CTF1: variants seen among roughly 807,000 people sequenced by gnomAD.
CTF1 encodes the protein cardiotrophin 1.
Under a neutral mutation model 10.9 loss-of-function variants are expected in CTF1, and 9 were observed. That is an observed-to-expected ratio of 0.83 (90% CI 0.50 to 1.44). The LOEUF (loss-of-function observed/expected upper bound fraction) is 1.44. CTF1 is among the 40% of genes most tolerant of loss of function. The pLI, the probability that CTF1 is intolerant of heterozygous loss-of-function variation, is 0.00. For missense variants in CTF1, 259 were observed against 275.3 expected, an observed-to-expected ratio of 0.94 and a Z score of 0.42; for synonymous variants, 133 against 138.8, an observed-to-expected ratio of 0.96 and a Z score of 0.29.
chr16:30,901,952 T>G, intron 2 of CTF1, 126 bp from the exon 3 acceptor site: 1 of 853,836 alleles, frequency 1.2e-6, no homozygotes. Context: ...AGCAGCTCTG[T>G]TAGGAGGGAT....
At chr16:30,902,057 C>G in intron 2 of CTF1, 21 bp from the exon 3 acceptor site, 2 of 1,445,016 alleles carry the variant, frequency 1.4e-6, no homozygotes, top group Non-Finnish European at 1.8e-6. Flanking sequence ...CCCCGCTGAC[C>G]CGCCGGCCGT....
At chr16:30,895,918 C>T (rs1314394680), upstream of CTF1, among the ~76,000 whole-genome samples, 1 of 152,190 alleles carries the variant, frequency 6.6e-6, no homozygotes, top group Admixed American at 6.5e-5. Context: ...GCTTCCTCGA[C>T]AGACCGCGAG....
intron 1 of CTF1, 67 bp downstream of exon 1, chr16:30,896,735 G>C (rs2143222175): frequency 8.1e-7 from 1 of 1,238,890 alleles, no homozygotes; most frequent in East Asian, 3.2e-5. Flanking sequence ...TTGGGAGCTG[G>C]GGGTCTGGGT....
upstream of CTF1, among the ~76,000 whole-genome samples, chr16:30,896,008 A>G (rs1241770190): frequency 2.3e-5 from 3 of 132,562 alleles, no homozygotes; most frequent in Non-Finnish European, 4.6e-5. Context: ...AATGGGGTTG[A>G]CGTATGGGTG....
chr16:30,902,384 C>G lies in CTF1; in HGVS notation c.451C>G (p.Arg151Gly). 8.1e-7 allele frequency: 1 copy of G among 1,227,194 alleles called. No homozygotes were observed. The highest frequency in any genetic ancestry group is 3.5e-5 in the East Asian group (1 of 28,892). 76.0% of individuals were successfully genotyped at this position (1,227,194 alleles called of 1,614,324 possible). A position where few individuals can be genotyped will look rare whatever the true frequency, so the allele number is the denominator to read the frequency against. ...GCTGGGCGCCGCCAACCGCGGGCCCCGGGCCGAGCCCCCCGCCGCCACCGC... is the reference window on the plus strand; with the variant it reads ...GCTGGGCGCCGCCAACCGCGGGCCCGGGGCCGAGCCCCCCGCCGCCACCGC... ...AALGAANRGP[R>G]AEPPAATASA... The change falls in exon 3 of 3, where the codon CGG becomes GGG. Residue 151 changes from arginine to glycine, a missense_variant. By Grantham distance (125) the Arg-to-Gly change is moderately radical (BLOSUM62 -2). Transcript: ENST00000279804.
chr16:30,897,869 T>C (rs1256017911), intron 1 of CTF1, among the ~76,000 whole-genome samples: 1 of 152,020 alleles, frequency 6.6e-6, no homozygotes, highest in African/African-American at 2.4e-5. Context: ...TCTCTCTCTC[T>C]TTCTCTTTTG....
Position 30,902,290 on chromosome 16 carries a change from G to C in CTF1, c.357G>C (p.Leu119=). ...TGAACCCGCGCGCGCCGCGCCTGCTGCGCCGCCTGGAGGACGCGGCGCGCC... is the reference window on the plus strand; with the variant it reads ...TGAACCCGCGCGCGCCGCGCCTGCTCCGCCGCCTGGAGGACGCGGCGCGCC... The part of the protein sequence containing the change: ...AELNPRAPRL[L]RRLEDAARQA... Residue 119 remains leucine, a synonymous_variant, in exon 3 of 3, where the codon CTG becomes CTC. Transcript: ENST00000279804. 1 of 1,015,922 alleles carries C rather than the reference G, an allele frequency of 9.8e-7. No individual in the cohort carries two copies. Among genetic ancestry groups the C allele is most frequent in the Non-Finnish European group, 1.2e-6 (1 of 852,268 alleles). 62.9% of individuals were successfully genotyped at this position (1,015,922 alleles called of 1,614,324 possible). A position where few individuals can be genotyped will look rare whatever the true frequency, so the allele number is the denominator to read the frequency against.
intron 2 of CTF1, 37 bp downstream of exon 2, chr16:30,899,570 G>T (rs753898646): frequency 9.4e-7 from 1 of 1,064,000 alleles, no homozygotes; most frequent in South Asian, 1.4e-5. Flanking sequence ...CGGGGGCCTG[G>T]GGAATGGGAG....
In CTF1 at chr16:30,902,677, G is replaced by A. The variant is rs2055416805; in HGVS notation, c.*138G>A. The A allele has an allele frequency of 1.6e-6, 2 of 1,267,532 alleles. No individual in the cohort carries two copies. The highest frequency in any genetic ancestry group is 2.0e-6 in the Non-Finnish European group (2 of 989,670). The allele number at this position is 1,267,532 out of a possible 1,614,324, so 78.5% of individuals were successfully genotyped here. ...ATTGCCTCGGCCTTCTTTGCTTTTTGTGGGGGAGAGGGGAGGGGACGGGCA... is the reference window on the plus strand; with the variant it reads ...ATTGCCTCGGCCTTCTTTGCTTTTTATGGGGGAGAGGGGAGGGGACGGGCA... On this transcript the variant is annotated 3_prime_UTR_variant, in exon 3 of 3. Coordinates refer to ENST00000279804, the MANE Select transcript of CTF1 (RefSeq NM_001330.5).
intron 1 of CTF1, among the ~76,000 whole-genome samples, chr16:30,897,555 G>A (rs561019084): frequency 6.6e-6 from 1 of 152,266 alleles, no homozygotes; most frequent in African/African-American, 2.4e-5. Flanking sequence ...TGATTCTGGA[G>A]GCTTCACTGA....
At chr16:30,899,116 C>T (rs1057116206) in intron 1 of CTF1, among the ~76,000 whole-genome samples, 6 of 152,174 alleles carry the variant, frequency 3.9e-5, no homozygotes, top group African/African-American at 1.4e-4. Context: ...ATACACTCTA[C>T]GATGTATTTA....
At chr16:30,899,756 A>G (rs1189001999) in intron 2 of CTF1, among the ~76,000 whole-genome samples, 2 of 151,992 alleles carry the variant, frequency 1.3e-5, no homozygotes, top group Admixed American at 6.6e-5. Flanking sequence ...CACCCTCCTC[A>G]GTGCTTTGTT....
rs1233885214 is a variant in CTF1, at chr16:30,902,799, A to AGCAGCTGGGACTACAGGCACGCGCCACC, written c.*261_*288dup. The AGCAGCTGGGACTACAGGCACGCGCCACC allele has an allele frequency of 2.3e-5, 8 of 354,364 alleles. No homozygotes were observed. In the Admixed American group the frequency reaches 3.5e-4, roughly 15 times the overall value. The allele number at this position is 354,364 out of a possible 1,614,324, so 22.0% of individuals were successfully genotyped here. Reference sequence around the variant, plus strand: ...GCCATCCTTCCGCCTCAGCTTCCCCAGCAGCTGGGACTACAGGCACGCGCC... The same window carrying AGCAGCTGGGACTACAGGCACGCGCCACC: ...GCCATCCTTCCGCCTCAGCTTCCCCAGCAGCTGGGACTACAGGCACGCGCCACCGCAGCTGGGACTACAGGCACGCGCC... On this transcript the variant is annotated 3_prime_UTR_variant, in exon 3 of 3. Transcript: ENST00000279804.
At chr16:30,902,039 C>A in intron 2 of CTF1, 39 bp from the exon 3 acceptor site, 1 of 1,426,040 alleles carries the variant, frequency 7.0e-7, no homozygotes, top group Non-Finnish European at 9.2e-7. Context: ...CCTGCCCGTG[C>A]TCCGGGGCCC....
At chr16:30,897,025 AG>A (rs2055358177) in intron 1 of CTF1, among the ~76,000 whole-genome samples, 1 of 149,832 alleles carries the variant, frequency 6.7e-6, no homozygotes, top group South Asian at 2.1e-4. Context: ...GGGTAGAGTA[AG>A]GGAAGGCAGT....
intron 2 of CTF1, among the ~76,000 whole-genome samples, chr16:30,901,303 C>T (rs2055398716): frequency 6.6e-6 from 1 of 152,052 alleles, no homozygotes; most frequent in South Asian, 2.1e-4. Flanking sequence ...CCCCCTTGGC[C>T]CCTGGACTAT....
rs2055415225 is a variant in CTF1, at chr16:30,902,561, C to T, written c.*22C>T. ...CTGAGCGCCGCGGGGCAGCTCGCCC[C>T]GCCTCCTCCCGCTGGGTTCCGTCTC... On this transcript the variant is annotated 3_prime_UTR_variant, in exon 3 of 3. Transcript: ENST00000279804. The T allele has an allele frequency of 6.7e-7, 1 of 1,492,136 alleles. No homozygotes were observed. The allele number at this position is 1,492,136 out of a possible 1,614,324, so 92.4% of individuals were successfully genotyped here.
intron 1 of CTF1, 143 bp from the exon 2 acceptor site, chr16:30,899,272 G>C (rs1016829645): frequency 5.2e-6 from 4 of 770,712 alleles, no homozygotes; most frequent in Admixed American, 3.5e-5. Context: ...TAGACCACCT[G>C]CTTGACAAAG....
chr16:30,899,107 T>TACACTCTACGATGTATTTAC (rs1211914150), intron 1 of CTF1, among the ~76,000 whole-genome samples: 214 of 152,340 alleles, frequency 1.4e-3, no homozygotes, highest in African/African-American at 4.8e-3. Flanking sequence ...TTTGTGTAAA[T>TACACTCTACGATGTATTTAC]ACACTCTACG....
Sources: allele counts gnomAD v4.1 joint callset (sites outside exome capture counted in the v4.1 genomes callset), GRCh38; gene constraint gnomAD v4.1.1; transcripts MANE v1.5; gene names NCBI Gene and HGNC (gene_info 2026-07-23, HGNC 2026-07-21).